LRRC7: variants seen among roughly 807,000 people sequenced by gnomAD.
LRRC7 encodes leucine rich repeat containing 7.
Under a neutral mutation model 175.7 loss-of-function variants are expected in LRRC7, and 23 were observed. The ratio of observed to expected loss-of-function variants is 0.13; its 90% CI spans 0.09 to 0.19. LRRC7 has a LOEUF of 0.19. Among genes scored for constraint, LRRC7 ranks in the 10% least tolerant of loss-of-function variants. The pLI, the probability that LRRC7 is intolerant of heterozygous loss-of-function variation, is 1.00. For missense variants in LRRC7, 1,354 were observed against 1,904.7 expected (o/e 0.71, Z 5.38); for synonymous variants, 685 against 680.9 (o/e 1.01, Z -0.09).
intron 24 of LRRC7, among the ~76,000 whole-genome samples, chr1:70,081,224 G>A (rs1046285811): frequency 6.6e-6 from 1 of 152,176 alleles, no homozygotes. Context: ...AATATATTGA[G>A]AATATCACTA....
chr1:69,914,367 C>T (rs1016565889), intron 7 of LRRC7, among the ~76,000 whole-genome samples: 1 of 152,042 alleles, frequency 6.6e-6, no homozygotes, highest in Non-Finnish European at 1.5e-5. Flanking sequence ...GACAGATGTA[C>T]CAAAATATTG....
At chr1:69,687,541 AAAAAGAAAAAG>A (rs1474858714) in intron 2 of LRRC7, among the ~76,000 whole-genome samples, 1 of 140,240 alleles carries the variant, frequency 7.1e-6, no homozygotes, top group African/African-American at 2.6e-5. Context: ...AAAAAAAAGA[AAAAAGAAAAAG>A]AAAAGAAAAA....
At chr1:70,117,626 T>C (rs1258938945) in intron 26 of LRRC7, among the ~76,000 whole-genome samples, 1 of 152,198 alleles carries the variant, frequency 6.6e-6, no homozygotes, top group Non-Finnish European at 1.5e-5. Flanking sequence ...ATGATTATAG[T>C]AAAATGTTCC....
At chr1:69,631,304 C>T (rs1035884525) in intron 1 of LRRC7, among the ~76,000 whole-genome samples, 2 of 152,092 alleles carry the variant, frequency 1.3e-5, no homozygotes, top group African/African-American at 4.8e-5. Flanking sequence ...TGCTGTTTTA[C>T]ATGATACCAT....
intron 3 of LRRC7, among the ~76,000 whole-genome samples, chr1:69,768,907 C>T (rs1671922161): frequency 6.6e-6 from 1 of 152,104 alleles, no homozygotes; most frequent in African/African-American, 2.4e-5. Flanking sequence ...AAGGAATGTG[C>T]TGTTTGAGTC....
intron 2 of LRRC7, among the ~76,000 whole-genome samples, chr1:69,685,588 AT>A (rs1283425530): frequency 2.0e-5 from 3 of 152,154 alleles, no homozygotes; most frequent in Non-Finnish European, 4.4e-5. Flanking sequence ...CAAAATAAAA[AT>A]ATCACTTAAT....
chr1:69,579,404 G>T (rs572163925), intron 1 of LRRC7, among the ~76,000 whole-genome samples: 2 of 152,130 alleles, frequency 1.3e-5, no homozygotes, highest in East Asian at 1.9e-4. Context: ...TGTGTGATTT[G>T]TGTGATCACA....
intron 2 of LRRC7, among the ~76,000 whole-genome samples, chr1:69,735,154 A>G (rs898479574): frequency 3.3e-5 from 5 of 152,036 alleles, no homozygotes; most frequent in African/African-American, 9.7e-5. Context: ...GTGGTTTTCT[A>G]TAACAACATT....
intron 3 of LRRC7, among the ~76,000 whole-genome samples, chr1:69,773,943 CAA>C (rs1672527048): frequency 1.3e-5 from 2 of 152,076 alleles, no homozygotes; most frequent in African/African-American, 4.8e-5. Flanking sequence ...TGCTTGAGCC[CAA>C]GAGTTCAAGA....
intron 19 of LRRC7, 53 bp downstream of exon 19, chr1:70,036,285 G>A (rs1297756162): frequency 2.7e-6 from 4 of 1,482,758 alleles, no homozygotes; most frequent in Non-Finnish European, 2.8e-6. Context: ...TGTGCATGAT[G>A]AATCGCCAGT....
At chr1:69,849,869 T>A (rs1243628858) in intron 7 of LRRC7, among the ~76,000 whole-genome samples, 1 of 152,110 alleles carries the variant, frequency 6.6e-6, no homozygotes, top group Non-Finnish European at 1.5e-5. Flanking sequence ...CTAATAGGTG[T>A]CAGACACTAT....
intron 14 of LRRC7, 57 bp from the exon 15 acceptor site, chr1:70,018,662 T>C (rs192499511): frequency 3.1e-5 from 38 of 1,222,064 alleles, no homozygotes; most frequent in African/African-American, 6.0e-5. Flanking sequence ...GACCAGACTA[T>C]TGACTGTTAT....
chr1:70,133,789 T>C lies in LRRC7; in HGVS notation c.*11902T>C, dbSNP rs1666768003. On this transcript the variant is annotated 3_prime_UTR_variant, in exon 27 of 27. Transcript: ENST00000651989. ...TTAATTATTATACCCACCAGTTTAA[T>C]AGTTCTTCTCTAACTTGTGTTTTCC... 1.3e-5 allele frequency among the ~76,000 whole-genome samples: 2 copies of C among 152,254 alleles called. No homozygotes were observed. The highest frequency in any genetic ancestry group is 6.5e-5 in the Admixed American group (1 of 15,288).
At chr1:69,833,783 G>T (rs1680809573) in intron 5 of LRRC7, among the ~76,000 whole-genome samples, 1 of 151,992 alleles carries the variant, frequency 6.6e-6, no homozygotes, top group Admixed American at 6.6e-5. Context: ...GGAGGCCTTG[G>T]TGAGTGCATT....
intron 1 of LRRC7, among the ~76,000 whole-genome samples, chr1:69,669,263 G>A (rs372609990): frequency 1.3e-5 from 2 of 152,074 alleles, no homozygotes; most frequent in Admixed American, 1.3e-4. Flanking sequence ...AACAGATCTG[G>A]TGTTGATGAA....
At chr1:69,898,408 T>C (rs1438079507) in intron 7 of LRRC7, among the ~76,000 whole-genome samples, 1 of 152,240 alleles carries the variant, frequency 6.6e-6, no homozygotes, top group Non-Finnish European at 1.5e-5. Context: ...GATTCATATG[T>C]ACCACACAAT....
intron 8 of LRRC7, among the ~76,000 whole-genome samples, chr1:69,934,505 C>CG (rs796318018): frequency 4.5e-4 from 13 of 29,010 alleles, no homozygotes; most frequent in Admixed American, 5.4e-4. Flanking sequence ...GGGGGGGGGG[C>CG]GGGGGGTGGG....
intron 4 of LRRC7, among the ~76,000 whole-genome samples, chr1:69,805,405 C>T (rs1055351360): frequency 5.3e-5 from 8 of 151,728 alleles, no homozygotes; most frequent in East Asian, 3.9e-4. Flanking sequence ...TACTCTGTGA[C>T]GCCTTGTGTC....
intron 4 of LRRC7, among the ~76,000 whole-genome samples, chr1:69,793,038 C>T (rs1434812328): frequency 6.6e-6 from 1 of 152,042 alleles, no homozygotes; most frequent in Non-Finnish European, 1.5e-5. Flanking sequence ...GTTAAACTTC[C>T]TGTGTGTGCA....
Sources: gnomAD v4.1 joint callset for allele counts (sites outside exome capture counted in the v4.1 genomes callset) on GRCh38, gnomAD v4.1.1 for gene constraint, MANE v1.5 for transcripts, NCBI Gene and HGNC (gene_info 2026-07-23, HGNC 2026-07-21) for gene names.